NRXN1: variants seen among roughly 807,000 people sequenced by gnomAD.
The protein encoded by NRXN1 is neurexin 1.
A neutral mutation model predicts 150.9 loss-of-function variants in NRXN1; 39 were observed. The observed-to-expected ratio is 0.26, with a 90% CI of 0.20 to 0.34. The LOEUF (loss-of-function observed/expected upper bound fraction) is 0.34. NRXN1 is among the 10% of genes least tolerant of loss of function. The pLI, the probability that NRXN1 is intolerant of heterozygous loss-of-function variation, is 1.00. For synonymous variants in NRXN1, 924 were observed against 757.0 expected (o/e 1.22, Z -3.62); for missense variants, 1,815 against 1,949.9 (o/e 0.93, Z 1.30).
intron 1 of NRXN1, among the ~76,000 whole-genome samples, chr2:51,030,489 T>C (rs1287750776): frequency 6.6e-6 from 1 of 151,184 alleles, no homozygotes; most frequent in African/African-American, 2.4e-5. Flanking sequence ...GGTATCCCAC[T>C]TCAAGTTCCT....
chr2:51,028,027 G>T lies in NRXN1; in HGVS notation c.247C>A (p.Leu83Met). The change falls in exon 2 of 23, where the codon CTG becomes ATG. Residue 83 changes from leucine (L) to methionine (M), a missense_variant. Around this residue, in one of 6 missense-constraint regions of NRXN1, gnomAD observed 554 missense variants for 478.8 expected, o/e 1.16. Transcript: ENST00000401669. ...EGFCDFLELI[L>M]TRGGRLQLSF... ...AGCTGCAGGCGGCCGCCGCGCGTCA[G>T]AATCAGCTCCAGGAAGTCGCAGAAG... The T allele has an allele frequency of 6.2e-7, 1 of 1,600,088 alleles. No individual in the cohort carries two copies. Among genetic ancestry groups the T allele is most frequent in the Non-Finnish European group, 8.5e-7 (1 of 1,177,690 alleles).
At chr2:50,782,663 T>A (rs1384044532) in intron 5 of NRXN1, among the ~76,000 whole-genome samples, 1 of 152,186 alleles carries the variant, frequency 6.6e-6, no homozygotes, top group African/African-American at 2.4e-5. Flanking sequence ...ACAAACAACC[T>A]ATGAAGCTCA....
intron 17 of NRXN1, among the ~76,000 whole-genome samples, chr2:50,293,851 G>A (rs2073245479): frequency 6.6e-6 from 1 of 152,134 alleles, no homozygotes; most frequent in Non-Finnish European, 1.5e-5. Flanking sequence ...TCTTTAGGAT[G>A]CCTGGCTGTG....
At chr2:50,690,231 C>T (rs1691877469) in intron 5 of NRXN1, among the ~76,000 whole-genome samples, 1 of 152,080 alleles carries the variant, frequency 6.6e-6, no homozygotes, top group Non-Finnish European at 1.5e-5. Context: ...AACTTTCCAA[C>T]CTGTAAAATT....
At chr2:50,285,825 C>T (rs761908328) in intron 17 of NRXN1, among the ~76,000 whole-genome samples, 19 of 150,828 alleles carry the variant, frequency 1.3e-4, no homozygotes, top group Admixed American at 2.0e-4. Flanking sequence ...TTTCAATAAA[C>T]GGAGTTTCAT....
intron 5 of NRXN1, among the ~76,000 whole-genome samples, chr2:50,688,624 A>C (rs1691606282): frequency 6.6e-6 from 1 of 152,308 alleles, no homozygotes; most frequent in East Asian, 1.9e-4. Flanking sequence ...ACAAAGATGA[A>C]AGCAATAGGA....
chr2:50,036,859 C>T (rs981181241), intron 21 of NRXN1, among the ~76,000 whole-genome samples: 1 of 152,188 alleles, frequency 6.6e-6, no homozygotes, highest in Non-Finnish European at 1.5e-5. Flanking sequence ...GATAGCCAGT[C>T]TCTAGCTAGC....
intron 21 of NRXN1, among the ~76,000 whole-genome samples, chr2:49,984,488 T>TA (rs1029374605): frequency 1.4e-5 from 2 of 148,028 alleles, no homozygotes; most frequent in African/African-American, 4.9e-5. Context: ...TAATTCAATA[T>TA]AAAAAACAAT....
chr2:49,987,155 C>T (rs1458621082), intron 21 of NRXN1, among the ~76,000 whole-genome samples: 2 of 152,112 alleles, frequency 1.3e-5, no homozygotes, highest in Non-Finnish European at 2.9e-5. Flanking sequence ...TATCTGTTAG[C>T]CAACTTCTCC....
chr2:50,629,799 A>G (rs1366222021), intron 5 of NRXN1, among the ~76,000 whole-genome samples: 1 of 151,632 alleles, frequency 6.6e-6, no homozygotes, highest in Non-Finnish European at 1.5e-5. Context: ...AAACTTTTCA[A>G]TGAATATTAA....
At position 50,650,677 on chromosome 2, in the gene NRXN1, T is replaced by C. The variant is rs1485281659; in HGVS notation, c.833-27062A>G. On this transcript the variant is annotated intron_variant, in intron 5 of 22. Transcript: ENST00000401669. ...GAAATCTAGATTTTTCTCTTTGTAC[T>C]TCACTGTAATTCGGGTGATAGAATA... 1.7e-4 allele frequency among the ~76,000 whole-genome samples: 26 copies of C among 152,064 alleles called. 1 individual carries two copies. Among genetic ancestry groups the C allele is most frequent in the Non-Finnish European group, 1.0e-4 (7 of 67,994 alleles).
chr2:50,007,790 T>A (rs1000109044), intron 21 of NRXN1, among the ~76,000 whole-genome samples: 9 of 152,264 alleles, frequency 5.9e-5, no homozygotes, highest in African/African-American at 2.2e-4. Context: ...TGGTTCTAGA[T>A]CCTTGAGGAA....
At chr2:50,791,136 T>A (rs1254124053) in intron 5 of NRXN1, among the ~76,000 whole-genome samples, 165 of 150,106 alleles carry the variant, frequency 1.1e-3, no homozygotes, top group Admixed American at 2.8e-3. Flanking sequence ...TTTTTTTTTT[T>A]TAAAAAAAAA....
intron 17 of NRXN1, among the ~76,000 whole-genome samples, chr2:50,410,779 A>T (rs927986777): frequency 2.0e-5 from 3 of 152,206 alleles, no homozygotes; most frequent in African/African-American, 7.2e-5. Context: ...CAGACTATGA[A>T]GCTGCTGAGA....
At chr2:51,008,444 T>C (rs577994409) in intron 2 of NRXN1, among the ~76,000 whole-genome samples, 1 of 151,960 alleles carries the variant, frequency 6.6e-6, no homozygotes, top group South Asian at 2.1e-4. Context: ...CAGGAATTTG[T>C]TTTCCTAAAT....
At chr2:50,143,279 A>G (rs1165665139) in intron 18 of NRXN1, among the ~76,000 whole-genome samples, 1 of 151,974 alleles carries the variant, frequency 6.6e-6, no homozygotes, top group African/African-American at 2.4e-5. Flanking sequence ...GCAGAAAAGA[A>G]ACATTGACCA....
intron 3 of NRXN1, among the ~76,000 whole-genome samples, chr2:50,925,676 G>A (rs967353436): frequency 3.3e-5 from 5 of 151,832 alleles, no homozygotes; most frequent in African/African-American, 2.4e-5. Context: ...TTCTCATACA[G>A]AACACTGTAA....
chr2:50,819,584 G>A (rs2105815874), intron 5 of NRXN1, among the ~76,000 whole-genome samples: 1 of 151,766 alleles, frequency 6.6e-6, no homozygotes, highest in East Asian at 1.9e-4. Context: ...CACGCAAGGT[G>A]AAAAAAGTTC....
chr2:49,930,683 C>T (rs1669976635), intron 22 of NRXN1, among the ~76,000 whole-genome samples: 1 of 152,090 alleles, frequency 6.6e-6, no homozygotes, highest in Admixed American at 6.6e-5. Flanking sequence ...TTGACAGTTT[C>T]CTGTGACTCT....
Sources: allele counts gnomAD v4.1 joint callset (sites outside exome capture counted in the v4.1 genomes callset), GRCh38; gene constraint gnomAD v4.1.1; regional missense constraint gnomAD v4.1.1; transcripts MANE v1.5; gene names NCBI Gene and HGNC (gene_info 2026-07-23, HGNC 2026-07-21).